LIFR: variants seen among roughly 807,000 people sequenced by gnomAD.
LIFR encodes the protein LIF receptor subunit alpha, also known as leukemia inhibitory factor receptor.
A neutral mutation model predicts 122.2 loss-of-function variants in LIFR; 84 were observed. That is an observed-to-expected ratio of 0.69 (90% CI 0.58 to 0.82). The LOEUF (loss-of-function observed/expected upper bound fraction) is 0.82. LIFR is among the 40% of genes least tolerant of loss of function. The pLI is 0.00. For synonymous variants in LIFR, 422 were observed against 434.7 expected, an observed-to-expected ratio of 0.97 and a Z score of 0.36; for missense variants, 1,294 against 1,311.6, an observed-to-expected ratio of 0.99 and a Z score of 0.21.
At chr5:38,595,879 G>A (rs934764415), upstream of LIFR, among the ~76,000 whole-genome samples, 1 of 151,186 alleles carries the variant, frequency 6.6e-6, no homozygotes, top group Non-Finnish European at 1.5e-5. Context: ...ACTACAAGGC[G>A]CCCGCCACCG....
chr5:38,608,129 G>A (rs906134040), intron 1 of LIFR: 1 of 152,116 alleles, frequency 6.6e-6, no homozygotes, highest in African/African-American at 2.4e-5. Flanking sequence ...GACAGAGAGA[G>A]AGACAGAGAG....
At chr5:38,586,873 A>G (rs972296315) in intron 1 of LIFR, among the ~76,000 whole-genome samples, 1 of 152,200 alleles carries the variant, frequency 6.6e-6, no homozygotes, top group South Asian at 2.1e-4. Context: ...GGCAGCTTGC[A>G]TATCTTCCTT....
intron 2 of LIFR, among the ~76,000 whole-genome samples, chr5:38,604,811 C>CT (rs1750293597): frequency 6.6e-6 from 1 of 152,138 alleles, no homozygotes; most frequent in Admixed American, 6.5e-5. Context: ...CGGTGTACAG[C>CT]TTGCTTTTAT....
rs575682972 is a variant in LIFR at position 38,514,583 on chromosome 5, T to C, written c.562-2619A>G. ...ACAAGCTTTTAAATTTTTAAATAATTAAATTAAAAGAACAAATTATATTTG... is the reference window on the plus strand; with the variant it reads ...ACAAGCTTTTAAATTTTTAAATAATCAAATTAAAAGAACAAATTATATTTG... On this transcript the variant is annotated intron_variant, in intron 5 of 19. Coordinates refer to ENST00000453190, the MANE Select transcript of LIFR (RefSeq NM_001127671.2). 7.2e-5 allele frequency among the ~76,000 whole-genome samples: 11 copies of C among 152,292 alleles called. No homozygotes were observed. In the South Asian group the frequency reaches 2.3e-3, roughly 32 times the overall value.
rs144276669 is a variant in LIFR, at chr5:38,507,177, T to C, written c.992-545A>G. ...AACTGACTGCGGCTCTTTTGTTGTTTTTCTCTTTATCAAAACTGCTCTCCC... is the reference window on the plus strand; with the variant it reads ...AACTGACTGCGGCTCTTTTGTTGTTCTTCTCTTTATCAAAACTGCTCTCCC... On this transcript the variant is annotated intron_variant, in intron 7 of 19. Transcript: ENST00000453190. 4.9e-3 allele frequency among the ~76,000 whole-genome samples: 743 copies of C among 152,296 alleles called. 6 individuals are homozygous for C. Among genetic ancestry groups the C allele is most frequent in the African/African-American group, 0.017 (723 of 41,550 alleles).
At chr5:38,512,008 T>G (rs768049438) in intron 5 of LIFR, 44 bp from the exon 6 acceptor site, 18 of 1,584,106 alleles carry the variant, frequency 1.1e-5, no homozygotes. Flanking sequence ...CAAGTAGCAA[T>G]ATGTTTTGCT....
At chr5:38,548,791 C>T (rs953709085) in intron 1 of LIFR, among the ~76,000 whole-genome samples, 1 of 152,052 alleles carries the variant, frequency 6.6e-6, no homozygotes, top group African/African-American at 2.4e-5. Context: ...AAATAAAACT[C>T]GACAAAGTAT....
chr5:38,525,534 G>C (rs541814879), intron 4 of LIFR, among the ~76,000 whole-genome samples: 14 of 152,212 alleles, frequency 9.2e-5, no homozygotes, highest in Non-Finnish European at 1.5e-4. Flanking sequence ...GGCCAATACA[G>C]TGTTCAACAC....
chr5:38,497,746 T>A lies in LIFR; in HGVS notation c.1672-1151A>T, dbSNP rs559786906. ...ACATTGTTTTAATCATATTACACCA[T>A]TTTACTTTTTACTTTTCCATAATAT... is the stretch of plus-strand genomic sequence containing the variant. On this transcript the variant is annotated intron_variant, in intron 12 of 19. Coordinates refer to ENST00000453190, the MANE Select transcript of LIFR (RefSeq NM_001127671.2). Among the ~76,000 whole-genome samples, 5 of 152,310 alleles carry A rather than the reference T, an allele frequency of 3.3e-5. No individual in the cohort carries two copies. In the South Asian group the frequency reaches 1.0e-3, roughly 32 times the overall value.
At chr5:38,485,185 C>T (rs765658645) in intron 17 of LIFR, among the ~76,000 whole-genome samples, 99 of 152,292 alleles carry the variant, frequency 6.5e-4, no homozygotes, top group Non-Finnish European at 1.0e-3. Context: ...GGCCTCTCAC[C>T]GCTAGATACC....
At chr5:38,483,446 A>C (rs550929434) in intron 18 of LIFR, among the ~76,000 whole-genome samples, 79 of 151,706 alleles carry the variant, frequency 5.2e-4, no homozygotes, top group Non-Finnish European at 9.4e-4. Context: ...TTTTTGAGAC[A>C]GAGTCTTGCA....
rs767853359 is a variant in LIFR at position 38,523,409 on chromosome 5, T to C, written c.561+10A>G. The C allele has an allele frequency of 1.2e-6, 2 of 1,604,586 alleles. No homozygotes were observed. The highest frequency in any genetic ancestry group is 8.5e-7 in the Non-Finnish European group (1 of 1,174,678). On this transcript the variant is annotated intron_variant, in intron 5 of 19. Coordinates refer to ENST00000453190, the MANE Select transcript of LIFR (RefSeq NM_001127671.2). ...AATGTCATAGGAAGAAAATCTATGT[T>C]CAAACTTACTAATTTTACGAGCTCC...
intron 1 of LIFR, among the ~76,000 whole-genome samples, chr5:38,567,237 G>A: frequency 6.6e-6 from 1 of 152,142 alleles, no homozygotes; most frequent in East Asian, 1.9e-4. Flanking sequence ...GCCTGGCTGA[G>A]AATGCAGACC....
chr5:38,520,690 T>C (rs576285604), intron 5 of LIFR, among the ~76,000 whole-genome samples: 19 of 152,308 alleles, frequency 1.2e-4, no homozygotes, highest in African/African-American at 4.1e-4. Context: ...GAAGATGATA[T>C]CCTTTCCCCA....
intron 5 of LIFR, among the ~76,000 whole-genome samples, chr5:38,518,177 A>C (rs527618906): frequency 6.6e-6 from 1 of 152,092 alleles, no homozygotes; most frequent in South Asian, 2.1e-4. Context: ...CTTGAAATGC[A>C]GGTTCGAGTA....
intron 2 of LIFR, 121 bp downstream of exon 2, chr5:38,530,385 A>C: frequency 1.5e-6 from 1 of 678,570 alleles, no homozygotes; most frequent in South Asian, 1.6e-5. Context: ...AAAGATGACA[A>C]AAAAAATGAA....
chr5:38,528,855 C>G lies in LIFR; in HGVS notation c.143-15G>C, dbSNP rs1043026508. The G allele has an allele frequency of 6.0e-6, 5 of 837,012 alleles. No homozygotes were observed. The African/African-American group carries it at 7.0e-5, about 12-fold the overall frequency. The allele number at this position is 837,012 out of a possible 1,614,324, so 51.8% of individuals were successfully genotyped here. On this transcript the variant is annotated splice_polypyrimidine_tract_variant and intron_variant, in intron 2 of 19. Transcript: ENST00000453190. ...ATGAGGAGCCCCTGGAGGAGACACACACACACACACACACACACACACAGA... is the reference window on the plus strand; with the variant it reads ...ATGAGGAGCCCCTGGAGGAGACACAGACACACACACACACACACACACAGA...
intron 5 of LIFR, among the ~76,000 whole-genome samples, chr5:38,520,814 C>T (rs945600714): frequency 6.6e-6 from 1 of 152,164 alleles, no homozygotes; most frequent in Admixed American, 6.5e-5. Flanking sequence ...ATACAAGTAA[C>T]ATGCTGTTTT....
intron 1 of LIFR, among the ~76,000 whole-genome samples, chr5:38,579,798 G>A (rs138367891): frequency 5.3e-5 from 8 of 152,200 alleles, no homozygotes; most frequent in South Asian, 2.1e-4. Flanking sequence ...TGAGCTATTC[G>A]TGTGTTTTTA....
Sources: gnomAD v4.1 joint callset for allele counts (sites outside exome capture counted in the v4.1 genomes callset) on GRCh38, gnomAD v4.1.1 for gene constraint, MANE v1.5 for transcripts, NCBI Gene and HGNC (gene_info 2026-07-23, HGNC 2026-07-21) for gene names.